Variants in FGF14 observed in about 807,000 individuals in gnomAD.
The protein encoded by FGF14 is fibroblast growth factor 14, also known as fibroblast growth factor homologous factor 4.
In FGF14, 5 loss-of-function variants were observed where a neutral mutation model predicts 25.5. The observed-to-expected ratio is 0.20, with a 90% CI of 0.10 to 0.41. The LOEUF is 0.41. Among genes scored for constraint, FGF14 ranks in the 10% least tolerant of loss-of-function variants. The pLI is 1.00. For missense variants in FGF14, 222 were observed against 320.1 expected, an observed-to-expected ratio of 0.69 and a Z score of 2.34; for synonymous variants, 138 against 118.3, an observed-to-expected ratio of 1.17 and a Z score of -1.08.
rs377630687 is a variant in FGF14, at chr13:102,201,970, G to A, written c.208+199501C>T. Among the ~76,000 whole-genome samples the A allele has an allele frequency of 3.3e-5, 5 of 152,086 alleles. No homozygotes were observed. In the South Asian group the frequency reaches 6.2e-4, roughly 19 times the overall value. ...AGGTGATGGGATCATGAATGGTTTA[G>A]CACCATCTTCCCTTGGTACTGTGTA... On this transcript the variant is annotated intron_variant, in intron 1 of 4. Transcript: ENST00000376131.
intron 1 of FGF14, among the ~76,000 whole-genome samples, chr13:102,203,671 CAG>C (rs1418017595): frequency 6.6e-6 from 1 of 152,070 alleles, no homozygotes; most frequent in African/African-American, 2.4e-5. Context: ...TTTATTGAAA[CAG>C]TGAATTTTAA....
In FGF14 at chr13:102,286,611, C is replaced by T. The variant is rs561304185; in HGVS notation, c.208+114860G>A. ...TGGGTACTTGTTAAATAAATGTATCCGTGAATGTCATAACTTCCATCAACC... is the reference window on the plus strand; with the variant it reads ...TGGGTACTTGTTAAATAAATGTATCTGTGAATGTCATAACTTCCATCAACC... On this transcript the variant is annotated intron_variant, in intron 1 of 4. Coordinates refer to the FGF14 transcript ENST00000376131. 5.3e-5 allele frequency among the ~76,000 whole-genome samples: 8 copies of T among 152,108 alleles called. No individual in the cohort carries two copies. In the South Asian group the frequency reaches 8.3e-4, roughly 16 times the overall value.
At chr13:101,915,331 T>TC (rs886101993) in intron 1 of FGF14, among the ~76,000 whole-genome samples, 2 of 152,200 alleles carry the variant, frequency 1.3e-5, no homozygotes, top group Non-Finnish European at 2.9e-5. Flanking sequence ...TATGCTTCTA[T>TC]CCCCCGTCTT....
chr13:102,001,396 A>G (rs1309076559), intron 1 of FGF14, among the ~76,000 whole-genome samples: 3 of 152,198 alleles, frequency 2.0e-5, no homozygotes, highest in Non-Finnish European at 4.4e-5. Context: ...ACCAGCAAGC[A>G]TTAGGCTCAA....
At chr13:101,843,828 T>A (rs1029365109) in intron 3 of FGF14, among the ~76,000 whole-genome samples, 9 of 151,954 alleles carry the variant, frequency 5.9e-5, no homozygotes, top group African/African-American at 2.2e-4. Context: ...GACAGTGAAA[T>A]GCATGTAAAG....
intron 1 of FGF14, among the ~76,000 whole-genome samples, chr13:102,266,015 C>T (rs981195588): frequency 5.3e-5 from 8 of 151,602 alleles, no homozygotes; most frequent in African/African-American, 1.7e-4. Flanking sequence ...ATGACAGCCC[C>T]ACAAAAAAAG....
chr13:102,096,001 G>GTGTATATATA (rs143224591), intron 1 of FGF14, among the ~76,000 whole-genome samples: 26 of 135,042 alleles, frequency 1.9e-4, no homozygotes, highest in Non-Finnish European at 2.6e-4. Flanking sequence ...GTGTGTGTGT[G>GTGTATATATA]TATATATATA....
chr13:102,279,574 T>C (rs934559037), intron 1 of FGF14, among the ~76,000 whole-genome samples: 2 of 152,222 alleles, frequency 1.3e-5, no homozygotes, highest in Non-Finnish European at 2.9e-5. Flanking sequence ...TTTGTAATAC[T>C]AATTCTAGTA....
At chr13:101,771,873 T>C (rs535070739) in intron 3 of FGF14, among the ~76,000 whole-genome samples, 5 of 152,018 alleles carry the variant, frequency 3.3e-5, no homozygotes, top group African/African-American at 1.2e-4. Flanking sequence ...TTTGAGAGTT[T>C]AGACAAACTC....
chr13:102,260,274 T>A (rs2141113402), intron 1 of FGF14, among the ~76,000 whole-genome samples: 1 of 152,332 alleles, frequency 6.6e-6, no homozygotes. Flanking sequence ...AAACTAAATC[T>A]CAAGTTACCT....
chr13:102,138,562 C>G (rs1594109491), intron 1 of FGF14, among the ~76,000 whole-genome samples: 1 of 116,936 alleles, frequency 8.6e-6, no homozygotes, highest in East Asian at 2.7e-4. Context: ...CAGTGCAGAG[C>G]TGGATCCTGC....
chr13:102,153,847 AAAT>A (rs2047196837), intron 1 of FGF14, among the ~76,000 whole-genome samples: 1 of 152,208 alleles, frequency 6.6e-6, no homozygotes, highest in Admixed American at 6.5e-5. Context: ...GATGCAATGA[AAAT>A]AATATTTAAT....
At chr13:102,336,409 G>C (rs1036077582) in intron 1 of FGF14, among the ~76,000 whole-genome samples, 1 of 152,112 alleles carries the variant, frequency 6.6e-6, no homozygotes, top group African/African-American at 2.4e-5. Flanking sequence ...GTTCTATTAA[G>C]TCTGAGAGAG....
chr13:102,316,544 C>G (rs970673572), intron 1 of FGF14, among the ~76,000 whole-genome samples: 14 of 152,270 alleles, frequency 9.2e-5, no homozygotes, highest in African/African-American at 3.1e-4. Flanking sequence ...TGAAACTAAA[C>G]ATGTTAAAAC....
At chr13:102,206,151 G>A (rs2049913421) in intron 1 of FGF14, among the ~76,000 whole-genome samples, 4 of 120,268 alleles carry the variant, frequency 3.3e-5, no homozygotes, top group South Asian at 2.6e-4. Flanking sequence ...ACACACACAC[G>A]GGCTACATGC....
chr13:101,887,159 G>T (rs571724830), intron 1 of FGF14, among the ~76,000 whole-genome samples: 1 of 151,756 alleles, frequency 6.6e-6, no homozygotes, highest in Non-Finnish European at 1.5e-5. Context: ...ATAAAAAAGG[G>T]AACTATCATA....
chr13:102,382,126 C>T (rs1182650582), intron 1 of FGF14, among the ~76,000 whole-genome samples: 1 of 152,104 alleles, frequency 6.6e-6, no homozygotes, highest in African/African-American at 2.4e-5. Flanking sequence ...AAAGAATAAA[C>T]ACATAAACTA....
intron 1 of FGF14, among the ~76,000 whole-genome samples, chr13:102,285,123 A>T (rs749230161): frequency 1.6e-4 from 25 of 152,196 alleles, no homozygotes; most frequent in Non-Finnish European, 3.4e-4. Flanking sequence ...ATCTACTTAT[A>T]CTTTCCTAAT....
chr13:102,385,587 A>C (rs2058283815), intron 1 of FGF14, among the ~76,000 whole-genome samples: 1 of 152,232 alleles, frequency 6.6e-6, no homozygotes, highest in Admixed American at 6.5e-5. Context: ...TGTGGATATG[A>C]AATATCATTT....
Sources: allele counts gnomAD v4.1 joint callset (sites outside exome capture counted in the v4.1 genomes callset), GRCh38; gene constraint gnomAD v4.1.1; transcripts MANE v1.5; gene names NCBI Gene and HGNC (gene_info 2026-07-23, HGNC 2026-07-21).